PASK: variants seen among roughly 807,000 people sequenced by gnomAD.
The protein encoded by PASK is PAS domain containing serine/threonine kinase.
In PASK, 110 loss-of-function variants were observed where a neutral mutation model predicts 121.0. The ratio of observed to expected loss-of-function variants is 0.91; its 90% CI spans 0.78 to 1.06. PASK has a LOEUF of 1.06. Ranked by LOEUF, PASK falls within the 50% of genes least tolerant of loss-of-function variation. The pLI, the probability that PASK is intolerant of heterozygous loss-of-function variation, is 0.00. For missense variants in PASK, 1,643 were observed against 1,702.3 expected (o/e 0.97, Z 0.61); for synonymous variants, 686 against 717.8 (o/e 0.96, Z 0.71).
chr2:241,149,501 C>T (rs1408758279), upstream of PASK: 4 of 688,490 alleles, frequency 5.8e-6, no homozygotes, highest in Non-Finnish European at 9.5e-6. Context: ...AATCGCACAG[C>T]GACTAGCACC....
chr2:241,121,337 T>C (rs1233200275), intron 12 of PASK, among the ~76,000 whole-genome samples: 1 of 152,200 alleles, frequency 6.6e-6, no homozygotes, highest in East Asian at 1.9e-4. Context: ...ATATGGTATG[T>C]GAACTATATC....
At chr2:241,124,520 C>T (rs73112169) in intron 10 of PASK, among the ~76,000 whole-genome samples, 3,726 of 152,312 alleles carry the variant, frequency 0.024, 156 homozygotes, top group African/African-American at 0.085. Context: ...GGTGGGTCTT[C>T]GGCCTTCCAG....
rs1201715368 is a variant in PASK, at chr2:241,125,617, A to G, written c.2719+579T>C. On this transcript the variant is annotated intron_variant, in intron 10 of 17. Coordinates refer to ENST00000234040, the MANE Select transcript of PASK (RefSeq NM_015148.4). ...TCTGTCTCAAAAAAAAAGAAAAAAA[A>G]AAAAAAAAGAAATGAAAATAAAAAA... 5.0e-4 allele frequency among the ~76,000 whole-genome samples: 76 copies of G among 151,736 alleles called. 1 individual carries two copies. The highest frequency in any genetic ancestry group is 1.8e-3 in the African/African-American group (73 of 41,324).
chr2:241,137,020 G>T lies in PASK; in HGVS notation c.1121C>A (p.Thr374Lys), dbSNP rs377122334. The T allele has an allele frequency of 1.2e-6, 2 of 1,613,198 alleles. No individual in the cohort carries two copies. The highest frequency in any genetic ancestry group is 1.1e-5 in the South Asian group (1 of 91,082). Residue 374 changes from threonine (T) to lysine (K), a missense_variant, in exon 7 of 18, where the codon ACG (threonine) becomes AAG (lysine). Coordinates refer to ENST00000234040, the MANE Select transcript of PASK (RefSeq NM_015148.4). ...CAGCCCCACCTTGCCCAGGAGCTCC[G>T]TCTTTCCGTAACCAAACAGTGTCAG... ...FALTLFGYGK[T>K]ELLGKNITFL... is the part of the protein sequence containing the mutation.
intron 12 of PASK, among the ~76,000 whole-genome samples, chr2:241,116,126 A>AC (rs2065356406): frequency 8.6e-6 from 1 of 115,824 alleles, no homozygotes; most frequent in Admixed American, 8.5e-5. Flanking sequence ...GCATCCCATT[A>AC]CACCAGGGCC....
intron 4 of PASK, 131 bp from the exon 5 acceptor site, chr2:241,138,925 T>C (rs2066572745): frequency 7.1e-6 from 6 of 840,690 alleles, no homozygotes; most frequent in Non-Finnish European, 1.2e-5. Context: ...CTGATTTTCA[T>C]TTCAGAAATT....
At chr2:241,107,292 C>G (rs2064926076) in intron 17 of PASK, 61 bp downstream of exon 17, 1 of 1,485,216 alleles carries the variant, frequency 6.7e-7, no homozygotes, top group Non-Finnish European at 9.4e-7. Flanking sequence ...GGAAGGCAGC[C>G]TGGGGACCTC....
intron 12 of PASK, among the ~76,000 whole-genome samples, chr2:241,116,862 G>A (rs765514939): frequency 3.3e-4 from 51 of 152,338 alleles, no homozygotes; most frequent in Admixed American, 8.5e-4. Flanking sequence ...GAGATGCTGA[G>A]TGAGATCACG....
In PASK at chr2:241,135,104, C is replaced by T. The variant is rs576901620; in HGVS notation, c.1306+767G>A. ...TTGCTCCCAGCCAGAGTGGGTCCCTCGGGACAGGAGGCAGTGTGCTCACCC... is the reference window on the plus strand; with the variant it reads ...TTGCTCCCAGCCAGAGTGGGTCCCTTGGGACAGGAGGCAGTGTGCTCACCC... On this transcript the variant is annotated intron_variant, in intron 8 of 17. Coordinates refer to ENST00000234040, the MANE Select transcript of PASK (RefSeq NM_015148.4). Among the ~76,000 whole-genome samples, 5 of 152,328 alleles carry T rather than the reference C, an allele frequency of 3.3e-5. No individual in the cohort carries two copies. The South Asian group carries it at 6.2e-4, about 19-fold the overall frequency.
chr2:241,119,509 G>A (rs1311478647), intron 12 of PASK, among the ~76,000 whole-genome samples: 2 of 143,652 alleles, frequency 1.4e-5, no homozygotes, highest in South Asian at 2.2e-4. Flanking sequence ...TTGCTCTGTC[G>A]CCCAGGCTGG....
Position 241,126,509 on chromosome 2 carries a change from G to A in PASK, c.2406C>T (p.Gly802=). 1 of 1,614,252 alleles carries A rather than the reference G, an allele frequency of 6.2e-7. No homozygotes were observed. The highest frequency in any genetic ancestry group is 8.5e-7 in the Non-Finnish European group (1 of 1,180,042). The change falls in exon 10 of 18, where the codon GGC becomes GGT. Residue 802 remains glycine (G), a synonymous_variant. Coordinates refer to ENST00000234040, the MANE Select transcript of PASK (RefSeq NM_015148.4). ...GGCCTTGGCCAAGGTCAACACAGGT[G>A]CCGGTCAGTAGTAACAGCTCCCTGT... The part of the protein sequence containing the change: ...LDDRELLLLT[G]TCVDLGQGRR...
chr2:241,133,092 T>G (rs2066243778), intron 8 of PASK, 62 bp from the exon 9 acceptor site: 18 of 1,520,110 alleles, frequency 1.2e-5, no homozygotes, highest in Admixed American at 1.7e-5. Context: ...ACGAATCTGC[T>G]CATTCGCCTG....
chr2:241,112,762 A>G lies in PASK; in HGVS notation c.3334-323T>C. On this transcript the variant is annotated intron_variant, in intron 14 of 17. Coordinates refer to ENST00000234040, the MANE Select transcript of PASK (RefSeq NM_015148.4). The surrounding 1 kb of genome is among the most constrained non-coding windows in gnomAD (Gnocchi z 5.2). ...CACCAACGCACACCATGCCTATTTCAGGAGGAAAGACAGGCCACAAAGCCA... is the reference window on the plus strand; with the variant it reads ...CACCAACGCACACCATGCCTATTTCGGGAGGAAAGACAGGCCACAAAGCCA... 1 of 334,518 alleles carries G rather than the reference A, an allele frequency of 3.0e-6. No homozygotes were observed. Among genetic ancestry groups the G allele is most frequent in the South Asian group, 2.7e-5 (1 of 37,334 alleles). The allele number at this position is 334,518 out of a possible 1,614,324, so 20.7% of individuals were successfully genotyped here.
chr2:241,132,385 G>C (rs760862738), intron 9 of PASK, among the ~76,000 whole-genome samples: 2 of 151,432 alleles, frequency 1.3e-5, no homozygotes, highest in Non-Finnish European at 1.5e-5. Flanking sequence ...GCGTGGTGGC[G>C]GGCGCCTGTA....
rs6710783 is a variant in PASK, at chr2:241,122,718, C to T, written c.3072+14G>A. 14 of 1,613,518 alleles carry T rather than the reference C, an allele frequency of 8.7e-6. No homozygotes were observed. In the East Asian group the frequency reaches 2.0e-4, roughly 23 times the overall value. ...GTGGTGCCCGGCGCCACTCCCCCCC[C>T]ACAGCCAGGTTACCTCCTTGTTTTT... On this transcript the variant is annotated intron_variant, in intron 12 of 17. Coordinates refer to ENST00000234040, the MANE Select transcript of PASK (RefSeq NM_015148.4).
At position 241,112,415 on chromosome 2, in the gene PASK, G is replaced by A. The variant is rs1375013740; in HGVS notation, c.3358C>T (p.Arg1120Cys). 2.5e-5 allele frequency: 41 copies of A among 1,613,300 alleles called. No homozygotes were observed. The highest frequency in any genetic ancestry group is 5.0e-5 in the Admixed American group (3 of 59,980). Residue 1120 changes from arginine (R) to cysteine (C), a missense_variant, in exon 15 of 18, where the codon CGC becomes TGC. Arg to Cys is a radical substitution (Grantham distance 180). Coordinates refer to ENST00000234040, the MANE Select transcript of PASK (RefSeq NM_015148.4). The surrounding 1 kb of genome is among the most constrained non-coding windows in gnomAD (Gnocchi z 5.2). The part of the protein sequence containing the change: ...RQLVSAVGYL[R>C]LKDIIHRDIK... ...TCACGGTGGATGATGTCCTTCAAGC[G>A]CAGGTATCCCACTGCTGACACTAGC... is the stretch of plus-strand genomic sequence containing the variant.
intron 12 of PASK, among the ~76,000 whole-genome samples, chr2:241,118,064 TA>T (rs1334687566): frequency 6.6e-6 from 1 of 152,204 alleles, no homozygotes; most frequent in East Asian, 1.9e-4. Context: ...TAAATATTGT[TA>T]AGATGACAAT....
chr2:241,133,119 C>T (rs1460683578), intron 8 of PASK, 89 bp from the exon 9 acceptor site: 7 of 1,316,234 alleles, frequency 5.3e-6, no homozygotes, highest in Non-Finnish European at 7.7e-6. Context: ...ACTGAGACTG[C>T]TTCACAGCAT....
At chr2:241,135,498 C>T (rs1212952525) in intron 8 of PASK, among the ~76,000 whole-genome samples, 1 of 152,082 alleles carries the variant, frequency 6.6e-6, no homozygotes, top group African/African-American at 2.4e-5. Context: ...GTTCAAGGGT[C>T]AGCGGTAATC....
Sources: gnomAD v4.1 joint callset for allele counts (sites outside exome capture counted in the v4.1 genomes callset) on GRCh38, gnomAD v4.1.1 for gene constraint, Gnocchi (gnomAD v3.1) non-coding constraint, MANE v1.5 for transcripts, NCBI Gene and HGNC (gene_info 2026-07-23, HGNC 2026-07-21) for gene names.